The following GABRB2 variants were observed in gnomAD, a reference collection of about 807,000 sequenced individuals.
The protein encoded by GABRB2 is gamma-aminobutyric acid receptor subunit beta-2.
In GABRB2, 16 loss-of-function variants were observed where a neutral mutation model predicts 54.7. That is an observed-to-expected ratio of 0.29 (90% CI 0.20 to 0.44). The LOEUF (loss-of-function observed/expected upper bound fraction) is 0.44, where lower values mean the gene tolerates loss of function less well. Ranked by LOEUF, GABRB2 falls within the 20% of genes least tolerant of loss-of-function variation. The probability of loss-of-function intolerance (pLI) is 1.00; values close to 1 mark genes in which losing one functional copy is unlikely to be tolerated. For synonymous variants in GABRB2, 244 were observed against 233.8 expected (o/e 1.04, Z -0.40); for missense variants, 355 against 644.0 (o/e 0.55, Z 4.86).
At chr5:161,504,748 T>C (rs192248290) in intron 3 of GABRB2, among the ~76,000 whole-genome samples, 4 of 133,256 alleles carry the variant, frequency 3.0e-5, no homozygotes, top group East Asian at 2.2e-4. Flanking sequence ...AAGACTAATA[T>C]CTGGAATTAA....
rs531678640 is a variant in GABRB2 at position 161,392,773 on chromosome 5, G to C, written c.541+18202C>G. 2.4e-4 allele frequency among the ~76,000 whole-genome samples: 37 copies of C among 152,224 alleles called. No individual in the cohort carries two copies. The South Asian group carries it at 6.0e-3, about 25-fold the overall frequency. The stretch of plus-strand genomic sequence containing the variant: ...TTCATTTACAGAAACAGCTGTTTTT[G>C]AATATCTATAGATAATCATTTTGAT... On this transcript the variant is annotated intron_variant, in intron 5 of 9. Transcript: ENST00000393959.
intron 3 of GABRB2, among the ~76,000 whole-genome samples, chr5:161,528,093 G>A (rs963809202): frequency 1.3e-5 from 2 of 151,710 alleles, no homozygotes; most frequent in African/African-American, 4.8e-5. Flanking sequence ...CAAGTATGCT[G>A]CATTCACACA....
intron 3 of GABRB2, among the ~76,000 whole-genome samples, chr5:161,481,034 A>T (rs1758747628): frequency 1.3e-5 from 2 of 152,118 alleles, no homozygotes; most frequent in African/African-American, 4.8e-5. Flanking sequence ...CTATATAAAT[A>T]TTAATGACAT....
chr5:161,350,473 A>G (rs1221592172), intron 5 of GABRB2, among the ~76,000 whole-genome samples: 1 of 152,148 alleles, frequency 6.6e-6, no homozygotes, highest in African/African-American at 2.4e-5. Flanking sequence ...AATAAATTAA[A>G]CCAAAGAGGC....
intron 8 of GABRB2, chr5:161,326,913 T>C (rs1489652163): frequency 2.6e-6 from 2 of 782,392 alleles, no homozygotes; most frequent in East Asian, 1.3e-4. Flanking sequence ...AATATGCGTG[T>C]TCTTAGTATT....
intron 3 of GABRB2, 25 bp from the exon 4 acceptor site, chr5:161,459,869 T>TG: frequency 6.9e-7 from 1 of 1,455,274 alleles, no homozygotes. Context: ...AAAAAAAACA[T>TG]GGTTAGTTTA....
At chr5:161,460,693 G>C (rs1206462563) in intron 3 of GABRB2, among the ~76,000 whole-genome samples, 2 of 151,880 alleles carry the variant, frequency 1.3e-5, no homozygotes, top group African/African-American at 2.4e-5. Context: ...TCTAGTATTT[G>C]ACAGGAACCA....
chr5:161,544,146 T>C (rs1195711188), intron 3 of GABRB2, among the ~76,000 whole-genome samples: 1 of 152,210 alleles, frequency 6.6e-6, no homozygotes, highest in Non-Finnish European at 1.5e-5. Context: ...TTTCAAGTCC[T>C]GAGGGGTGGC....
intron 9 of GABRB2, among the ~76,000 whole-genome samples, chr5:161,295,993 A>C (rs1205480225): frequency 6.6e-6 from 1 of 152,226 alleles, no homozygotes; most frequent in Non-Finnish European, 1.5e-5. Flanking sequence ...GGAACATTTA[A>C]AGGTTCCTGT....
At chr5:161,502,380 T>C (rs1165612317) in intron 3 of GABRB2, among the ~76,000 whole-genome samples, 1 of 152,132 alleles carries the variant, frequency 6.6e-6, no homozygotes, top group Non-Finnish European at 1.5e-5. Context: ...AACACATACA[T>C]TTGTCTGCAA....
At chr5:161,324,899 A>G (rs1227105696) in intron 9 of GABRB2, among the ~76,000 whole-genome samples, 1 of 152,112 alleles carries the variant, frequency 6.6e-6, no homozygotes, top group Non-Finnish European at 1.5e-5. Context: ...AGAGGTCTTA[A>G]CAAATTAGTG....
intron 5 of GABRB2, among the ~76,000 whole-genome samples, chr5:161,373,584 A>C (rs184281606): frequency 1.4e-3 from 206 of 152,316 alleles, no homozygotes; most frequent in Non-Finnish European, 2.2e-3. Flanking sequence ...TCTTGATAAC[A>C]GGCCTTTTTT....
chr5:161,473,130 G>T (rs1282820604), intron 3 of GABRB2, among the ~76,000 whole-genome samples: 1 of 151,946 alleles, frequency 6.6e-6, no homozygotes, highest in Non-Finnish European at 1.5e-5. Context: ...TGTAATTTGT[G>T]TTCAGAATAA....
chr5:161,296,490 A>G (rs1049604057), intron 9 of GABRB2, among the ~76,000 whole-genome samples: 8 of 152,182 alleles, frequency 5.3e-5, no homozygotes, highest in Non-Finnish European at 7.3e-5. Context: ...ATCATAATAA[A>G]AATTATTGGC....
intron 4 of GABRB2, among the ~76,000 whole-genome samples, chr5:161,454,702 G>T (rs1312516853): frequency 6.6e-6 from 1 of 151,998 alleles, no homozygotes; most frequent in Non-Finnish European, 1.5e-5. Flanking sequence ...CTGACTCAAA[G>T]AATGACTGGG....
intron 3 of GABRB2, among the ~76,000 whole-genome samples, chr5:161,529,109 C>G (rs1760374290): frequency 6.6e-6 from 1 of 151,764 alleles, no homozygotes; most frequent in Non-Finnish European, 1.5e-5. Flanking sequence ...TGCATTGATT[C>G]TCCAGTAATG....
chr5:161,353,903 A>AT (rs1754542613), intron 5 of GABRB2, among the ~76,000 whole-genome samples: 2 of 151,952 alleles, frequency 1.3e-5, no homozygotes, highest in South Asian at 4.1e-4. Flanking sequence ...TAATAGTGCA[A>AT]TTTTTTTGAC....
chr5:161,333,644 A>G (rs945458494), intron 7 of GABRB2, among the ~76,000 whole-genome samples: 3 of 151,802 alleles, frequency 2.0e-5, no homozygotes, highest in African/African-American at 7.3e-5. Context: ...GTGATCCTTT[A>G]GGCCTCTTTC....
chr5:161,469,676 CAT>C (rs1758382813), intron 3 of GABRB2, among the ~76,000 whole-genome samples: 1 of 87,572 alleles, frequency 1.1e-5, no homozygotes, highest in East Asian at 3.7e-4. Flanking sequence ...ATTATTCACA[CAT>C]ACACATACAC....
Sources: gnomAD v4.1 joint callset for allele counts (sites outside exome capture counted in the v4.1 genomes callset) on GRCh38, gnomAD v4.1.1 for gene constraint, MANE v1.5 for transcripts, NCBI Gene and HGNC (gene_info 2026-07-23, HGNC 2026-07-21) for gene names.